PMPCB: variants seen among roughly 807,000 people sequenced by gnomAD.
PMPCB encodes the protein mitochondrial-processing peptidase subunit beta.
A neutral mutation model predicts 61.5 loss-of-function variants in PMPCB; 46 were observed. The ratio of observed to expected loss-of-function variants is 0.75; its 90% CI spans 0.59 to 0.96. The LOEUF is 0.96. Among genes scored for constraint, PMPCB ranks in the 40% least tolerant of loss-of-function variants. The pLI is 0.00. For missense variants in PMPCB, 590 were observed against 602.4 expected (o/e 0.98, Z 0.22); for synonymous variants, 191 against 201.6 (o/e 0.95, Z 0.44).
chr7:103,312,516 A>ATGTT lies in PMPCB; in HGVS notation c.*247_*250dup. On this transcript the variant is annotated 3_prime_UTR_variant, in exon 13 of 13. Coordinates refer to ENST00000249269, the MANE Select transcript of PMPCB (RefSeq NM_004279.3). The stretch of plus-strand genomic sequence containing the variant: ...CATGAGTATAATTTTAAGAATGAAA[A>ATGTT]TGTTTACAGTATTTTCAGTTTTATT... 2 of 1,584,748 alleles carry ATGTT rather than the reference A, an allele frequency of 1.3e-6. No homozygotes were observed. Among genetic ancestry groups the ATGTT allele is most frequent in the Non-Finnish European group, 1.7e-6 (2 of 1,169,844 alleles).
At chr7:103,318,401 A>G (rs1157505303), downstream of PMPCB, among the ~76,000 whole-genome samples, 1 of 152,018 alleles carries the variant, frequency 6.6e-6, no homozygotes, top group Non-Finnish European at 1.5e-5. Context: ...TTCTACTTCT[A>G]TTTTATAGTT....
At chr7:103,326,818 A>G in intron 12 of PMPCB, 1 of 846,498 alleles carries the variant, frequency 1.2e-6, no homozygotes, top group Non-Finnish European at 1.8e-6. Context: ...CAGGTTGGGG[A>G]GGATTTAATT....
At chr7:103,344,196 C>G in the PMPCB span, 1 of 276,414 alleles carries the variant, frequency 3.6e-6, no homozygotes, top group African/African-American at 2.2e-5. Flanking sequence ...TTGTACGACC[C>G]CAGGCACGTG....
At chr7:103,306,348 A>G (rs1400561937) in intron 6 of PMPCB, among the ~76,000 whole-genome samples, 1 of 151,776 alleles carries the variant, frequency 6.6e-6, no homozygotes, top group African/African-American at 2.4e-5. Flanking sequence ...TGATGTATTC[A>G]GAAATTTAGA....
intron 4 of PMPCB, among the ~76,000 whole-genome samples, chr7:103,302,352 A>G (rs1817473281): frequency 6.6e-6 from 1 of 152,194 alleles, no homozygotes. Flanking sequence ...TACATGTGCT[A>G]CTATACTAAC....
At chr7:103,318,660 T>C (rs1474186327), downstream of PMPCB, among the ~76,000 whole-genome samples, 1 of 152,226 alleles carries the variant, frequency 6.6e-6, no homozygotes, top group Non-Finnish European at 1.5e-5. Context: ...TAGGTACTAA[T>C]ACTTGTTGAA....
the PMPCB span, chr7:103,344,777 C>T: frequency 1.5e-6 from 1 of 688,510 alleles, no homozygotes. Flanking sequence ...TAAGCACTTC[C>T]GGGATGGATC....
intron 2 of PMPCB, among the ~76,000 whole-genome samples, chr7:103,298,940 T>A (rs1387561387): frequency 6.6e-6 from 1 of 152,218 alleles, no homozygotes; most frequent in Non-Finnish European, 1.5e-5. Flanking sequence ...TTATTGATTA[T>A]TTATTTTCAG....
Position 103,314,565 on chromosome 7 carries a change from T to G in PMPCB, c.*2294T>G. The G allele has an allele frequency of 1.0e-5, 10 of 985,350 alleles. No individual in the cohort carries two copies. Among genetic ancestry groups the G allele is most frequent in the Non-Finnish European group, 1.2e-5 (10 of 829,888 alleles). 61.0% of individuals were successfully genotyped at this position (985,350 alleles called of 1,614,324 possible). On this transcript the variant is annotated 3_prime_UTR_variant, in exon 13 of 13. Transcript: ENST00000249269. ...GAGACTAGTGTGCTAATACCTGTTG[T>G]ATTTTGTGGAGATAAAGGTGCAGGA... is the stretch of plus-strand genomic sequence containing the variant.
At chr7:103,324,139 G>T (rs1003289997) in intron 12 of PMPCB, among the ~76,000 whole-genome samples, 3 of 152,222 alleles carry the variant, frequency 2.0e-5, no homozygotes, top group Non-Finnish European at 4.4e-5. Context: ...TAACTATTGC[G>T]CATATTAAAA....
At chr7:103,338,535 G>A in the PMPCB span, among the ~76,000 whole-genome samples, 1 of 151,692 alleles carries the variant, frequency 6.6e-6, no homozygotes, top group Non-Finnish European at 1.5e-5. Context: ...GACCTCAGGT[G>A]ATATACCTGC....
At chr7:103,298,732 C>G (rs759111342) in intron 2 of PMPCB, 24 bp downstream of exon 2, 6 of 1,599,916 alleles carry the variant, frequency 3.8e-6, no homozygotes, top group South Asian at 1.1e-5. Flanking sequence ...GCAACCTTCT[C>G]TAAGTGACCC....
chr7:103,327,525 G>GAT lies in PMPCB; in HGVS notation c.*1432-1402_*1432-1401dup, dbSNP rs142680894. The GAT allele has an allele frequency of 1.1e-3, 769 of 723,368 alleles. 4 individuals are homozygous for GAT. In the African/African-American group the frequency reaches 0.013, roughly 12 times the overall value. The allele number at this position is 723,368 out of a possible 1,614,324, so 44.8% of individuals were successfully genotyped here. A position where few individuals can be genotyped will look rare whatever the true frequency, so the allele number is the denominator to read the frequency against. The stretch of plus-strand genomic sequence containing the variant: ...CTGGGGTGATGATTAGAAAGAACTT[G>GAT]ATATAACTAAAATGTTTTAAAATGT... On this transcript the variant is annotated intron_variant and NMD_transcript_variant, in intron 12 of 12. Transcript: ENST00000444457.
intron 12 of PMPCB, chr7:103,327,600 CAATT>C: frequency 8.6e-7 from 1 of 1,158,864 alleles, no homozygotes. Context: ...CCAATCCCAG[CAATT>C]AATAAATAAC....
At chr7:103,334,527 G>C in the PMPCB span, among the ~76,000 whole-genome samples, 2 of 149,668 alleles carry the variant, frequency 1.3e-5, no homozygotes, top group African/African-American at 2.5e-5. Context: ...AGTGAGCCAA[G>C]ATCACGCGAC....
chr7:103,309,712 G>A (rs1817685316), intron 8 of PMPCB, among the ~76,000 whole-genome samples: 2 of 152,148 alleles, frequency 1.3e-5, no homozygotes, highest in South Asian at 4.1e-4. Flanking sequence ...GGTGATGTAA[G>A]AACATTAATT....
the PMPCB span, chr7:103,337,880 G>T: frequency 4.4e-6 from 5 of 1,141,910 alleles, no homozygotes; most frequent in Non-Finnish European, 6.5e-6. Flanking sequence ...TTGTGTTCTG[G>T]TACCTTAATA....
At chr7:103,326,581 G>A in intron 12 of PMPCB, 1 of 1,613,910 alleles carries the variant, frequency 6.2e-7, no homozygotes, top group Non-Finnish European at 8.5e-7. Context: ...ACACTTCGAA[G>A]AAATTATCCT....
intron 1 of PMPCB, 158 bp downstream of exon 1, chr7:103,297,716 C>T: frequency 6.5e-7 from 1 of 1,534,900 alleles, no homozygotes; most frequent in Non-Finnish European, 8.7e-7. Context: ...CTGAACTGGC[C>T]GGGGGTGACT....
Sources: allele counts gnomAD v4.1 joint callset (sites outside exome capture counted in the v4.1 genomes callset), GRCh38; gene constraint gnomAD v4.1.1; transcripts MANE v1.5; gene names NCBI Gene and HGNC (gene_info 2026-07-23, HGNC 2026-07-21).